Variants in MFHAS1 observed in about 807,000 individuals in gnomAD.
MFHAS1 encodes multifunctional ROCO family signaling regulator 1, also known as malignant fibrous histiocytoma-amplified sequence 1.
A neutral mutation model predicts 70.4 loss-of-function variants in MFHAS1; 50 were observed. The observed-to-expected ratio is 0.71, with a 90% confidence interval of 0.57 to 0.90. The LOEUF (loss-of-function observed/expected upper bound fraction) is 0.90. Among genes scored for constraint, MFHAS1 ranks in the 40% least tolerant of loss-of-function variants. The pLI is 0.00. For missense variants in MFHAS1, 1,795 were observed against 1,347.6 expected (o/e 1.33, Z -5.20); for synonymous variants, 952 against 620.0 (o/e 1.54, Z -7.96).
At chr8:8,875,407 A>G (rs1032150364) in intron 1 of MFHAS1, among the ~76,000 whole-genome samples, 1 of 152,228 alleles carries the variant, frequency 6.6e-6, no homozygotes, top group Non-Finnish European at 1.5e-5. Context: ...AATACTAATC[A>G]CAGGAAATTA....
intron 1 of MFHAS1, among the ~76,000 whole-genome samples, chr8:8,861,854 A>G (rs1321246212): frequency 1.3e-5 from 2 of 152,214 alleles, no homozygotes; most frequent in Non-Finnish European, 2.9e-5. Context: ...TTCACTCAGC[A>G]TAATGCTTTT....
At chr8:8,860,072 A>G (rs553575321) in intron 1 of MFHAS1, 36 of 152,262 alleles carry the variant, frequency 2.4e-4, no homozygotes, top group African/African-American at 8.4e-4. Flanking sequence ...CAGTGCCACA[A>G]AAAAAATGGA....
chr8:8,840,915 C>T (rs1213624000), intron 1 of MFHAS1, among the ~76,000 whole-genome samples: 2 of 152,148 alleles, frequency 1.3e-5, no homozygotes, highest in Non-Finnish European at 2.9e-5. Flanking sequence ...TAAAATGATA[C>T]ACTTCTTACA....
At chr8:8,862,366 T>C (rs1370139657) in intron 1 of MFHAS1, among the ~76,000 whole-genome samples, 4 of 149,418 alleles carry the variant, frequency 2.7e-5, no homozygotes, top group Non-Finnish European at 5.9e-5. Flanking sequence ...CATGTTTAAC[T>C]GGGTTGTCTC....
chr8:8,803,105 A>G (rs770826411), intron 1 of MFHAS1, among the ~76,000 whole-genome samples: 5 of 152,176 alleles, frequency 3.3e-5, no homozygotes, highest in East Asian at 3.8e-4. Flanking sequence ...GGGATGTTGC[A>G]TTCTTCCTGT....
chr8:8,893,044 G>T lies in MFHAS1; in HGVS notation c.15C>A (p.Asp5Glu). 1 of 1,513,912 alleles carries T rather than the reference G, an allele frequency of 6.6e-7. No individual in the cohort carries two copies. 93.8% of individuals were successfully genotyped at this position (1,513,912 alleles called of 1,614,324 possible). Reference sequence around the variant, plus strand: ...GCCTCGCGGTCTTCAGGTTGCCACTGTCCATCCCAGCCATGGCGGGGCCCC... The same window carrying T: ...GCCTCGCGGTCTTCAGGTTGCCACTTTCCATCCCAGCCATGGCGGGGCCCC... MAGM[D>E]SGNLKTARLW... The change falls in exon 1 of 3, where the codon GAC (aspartate) becomes GAA (glutamate). Residue 5 changes from aspartate (D) to glutamate (E), a missense_variant. Physicochemically the swap from Asp to Glu is conservative, Grantham distance 45. Transcript: ENST00000276282.
chr8:8,838,798 C>A (rs576594386), intron 1 of MFHAS1, among the ~76,000 whole-genome samples: 4 of 137,094 alleles, frequency 2.9e-5, no homozygotes, highest in Admixed American at 1.6e-4. Flanking sequence ...AGCAACAGGG[C>A]GAGACCCTGC....
intron 1 of MFHAS1, among the ~76,000 whole-genome samples, chr8:8,877,632 G>A (rs1030096392): frequency 2.8e-4 from 43 of 152,166 alleles, no homozygotes; most frequent in Non-Finnish European, 5.1e-4. Context: ...CCAGCAGCAC[G>A]CTTAGACATG....
intron 1 of MFHAS1, among the ~76,000 whole-genome samples, chr8:8,878,277 C>G (rs2116923181): frequency 6.6e-6 from 1 of 152,246 alleles, no homozygotes; most frequent in South Asian, 2.1e-4. Flanking sequence ...TGGGTCAGAG[C>G]AGAGGTTTGG....
chr8:8,840,635 G>A (rs529798924), intron 1 of MFHAS1, among the ~76,000 whole-genome samples: 93 of 152,230 alleles, frequency 6.1e-4, no homozygotes, highest in Non-Finnish European at 1.1e-3. Flanking sequence ...CAGTTCTTCT[G>A]AAGGCACAAT....
intron 1 of MFHAS1, among the ~76,000 whole-genome samples, chr8:8,810,153 G>A (rs1283956150): frequency 6.6e-6 from 1 of 152,324 alleles, no homozygotes; most frequent in East Asian, 1.9e-4. Context: ...GATTGCTTGA[G>A]ACCAGAAGTT....
chr8:8,887,516 C>T (rs1296226694), intron 1 of MFHAS1, among the ~76,000 whole-genome samples: 2 of 150,338 alleles, frequency 1.3e-5, no homozygotes, highest in East Asian at 1.9e-4. Context: ...GACTATAAGA[C>T]AAAAATATGT....
intron 1 of MFHAS1, among the ~76,000 whole-genome samples, chr8:8,828,171 G>A (rs1051186655): frequency 6.6e-6 from 1 of 152,098 alleles, no homozygotes; most frequent in Non-Finnish European, 1.5e-5. Flanking sequence ...AATATACAAG[G>A]GAACTCGTCA....
intron 1 of MFHAS1, among the ~76,000 whole-genome samples, chr8:8,822,766 A>G (rs1807012979): frequency 6.9e-6 from 1 of 144,030 alleles, no homozygotes; most frequent in South Asian, 2.5e-4. Flanking sequence ...AGGGGGACTG[A>G]GATGGTGACA....
At chr8:8,820,215 C>A (rs567252263) in intron 1 of MFHAS1, among the ~76,000 whole-genome samples, 1 of 151,884 alleles carries the variant, frequency 6.6e-6, no homozygotes, top group Non-Finnish European at 1.5e-5. Flanking sequence ...ACTCCCCCTT[C>A]CCAAGTCCCC....
At chr8:8,810,736 A>T (rs1478502549) in intron 1 of MFHAS1, among the ~76,000 whole-genome samples, 1 of 152,248 alleles carries the variant, frequency 6.6e-6, no homozygotes, top group Non-Finnish European at 1.5e-5. Flanking sequence ...TCAGTAGTTA[A>T]GGAGTCAAAT....
intron 1 of MFHAS1, among the ~76,000 whole-genome samples, chr8:8,878,763 A>C (rs988373628): frequency 6.6e-6 from 1 of 152,180 alleles, no homozygotes; most frequent in Non-Finnish European, 1.5e-5. Context: ...CACTACTGCT[A>C]TAACCTAGTA....
chr8:8,801,946 T>G (rs1468749019), intron 1 of MFHAS1, among the ~76,000 whole-genome samples: 1 of 152,202 alleles, frequency 6.6e-6, no homozygotes, highest in East Asian at 1.9e-4. Flanking sequence ...GGGGAACACT[T>G]AGACGAAGGA....
At chr8:8,887,980 C>T (rs576899605) in intron 1 of MFHAS1, among the ~76,000 whole-genome samples, 1 of 151,698 alleles carries the variant, frequency 6.6e-6, no homozygotes, top group Admixed American at 6.6e-5. Flanking sequence ...GTTTTTATTA[C>T]TTTGGATTAA....
Sources: allele counts gnomAD v4.1 joint callset (sites outside exome capture counted in the v4.1 genomes callset), GRCh38; gene constraint gnomAD v4.1.1; transcripts MANE v1.5; gene names NCBI Gene and HGNC (gene_info 2026-07-23, HGNC 2026-07-21).